The following RBMS3 variants were observed in gnomAD, a reference collection of about 807,000 sequenced individuals.
The protein encoded by RBMS3 is RNA-binding motif, single-stranded-interacting protein 3.
RBMS3 carries 27 observed loss-of-function variants against 66.8 expected under a neutral mutation model. The observed-to-expected ratio is 0.40, with a 90% CI of 0.30 to 0.56. The LOEUF (loss-of-function observed/expected upper bound fraction) is 0.56, where lower values mean the gene tolerates loss of function less well. Among genes scored for constraint, RBMS3 ranks in the 20% least tolerant of loss-of-function variants. RBMS3 has a pLI of 0.40. For synonymous variants in RBMS3, 188 were observed against 183.0 expected, an observed-to-expected ratio of 1.03 and a Z score of -0.22; for missense variants, 513 against 549.5, an observed-to-expected ratio of 0.93 and a Z score of 0.66.
chr3:29,384,608 A>G lies in RBMS3; in HGVS notation c.76-50135A>G, dbSNP rs184551136. Among the ~76,000 whole-genome samples the G allele has an allele frequency of 2.0e-5, 3 of 152,306 alleles. No homozygotes were observed. In the East Asian group the frequency reaches 5.8e-4, roughly 29 times the overall value. The stretch of plus-strand genomic sequence containing the variant: ...ACCTGTGTCGTAAAACAGGGAGAGA[A>G]GTTTTGCTACCGATAATGATAATTT... On this transcript the variant is annotated intron_variant, in intron 1 of 14. Transcript: ENST00000383767.
chr3:29,505,506 G>GTTTTTTTTTTTTTTTTT (rs749285833), intron 3 of RBMS3, among the ~76,000 whole-genome samples: 1 of 107,300 alleles, frequency 9.3e-6, no homozygotes, highest in African/African-American at 3.5e-5. Flanking sequence ...CTTCAATTTT[G>GTTTTTTTTTTTTTTTTT]TTTTTTTTTT....
chr3:29,355,341 G>A (rs1171169392), intron 1 of RBMS3, among the ~76,000 whole-genome samples: 3 of 152,024 alleles, frequency 2.0e-5, no homozygotes, highest in Admixed American at 2.0e-4. Context: ...AAGCTGAAAA[G>A]ATGAGGTTTC....
At position 29,281,145 on chromosome 3, in the gene RBMS3, CTTTTT is replaced by C. The variant is rs10707897; in HGVS notation, c.-530_-526del. The C allele has an allele frequency of 1.0e-5, 1 of 100,460 alleles. No individual in the cohort carries two copies. The highest frequency in any genetic ancestry group is 3.9e-5 in the African/African-American group (1 of 25,696). The allele number at this position is 100,460 out of a possible 1,614,324, so 6.2% of individuals were successfully genotyped here. On this transcript the variant is annotated 5_prime_UTR_variant, in exon 1 of 15. Transcript: ENST00000383767. ...TTTTTTTTTTTTTCTTCCTTTTTTTCTTTTTTTTTTTCTTTTTCCCCTTTCTTTTT... is the reference window on the plus strand; with the variant it reads ...TTTTTTTTTTTTTCTTCCTTTTTTTCTTTTTTCTTTTTCCCCTTTCTTTTT...
At chr3:29,878,295 CT>C (rs2059657787) in intron 7 of RBMS3, among the ~76,000 whole-genome samples, 1 of 152,052 alleles carries the variant, frequency 6.6e-6, no homozygotes, top group South Asian at 2.1e-4. Context: ...TTGGAGACCC[CT>C]GATCTAGTAG....
chr3:29,696,620 A>AT (rs1241239433), intron 4 of RBMS3, among the ~76,000 whole-genome samples: 5 of 152,182 alleles, frequency 3.3e-5, no homozygotes, highest in Admixed American at 3.3e-4. Context: ...AAAGTTAGAT[A>AT]TTTATAAAAT....
chr3:29,820,394 T>C (rs2058047558), intron 6 of RBMS3, among the ~76,000 whole-genome samples: 2 of 151,900 alleles, frequency 1.3e-5, no homozygotes, highest in Non-Finnish European at 2.9e-5. Context: ...ATAGATTTGA[T>C]CTATTAATTA....
chr3:29,720,696 C>CTGTG lies in RBMS3; in HGVS notation c.400-19007_400-19004dup, dbSNP rs201802434. ...GAATTCATGAGTTCCCTGTAAGAAT[C>CTGTG]TGTGTGTGTGTGTGTGTGTGAGTGT... On this transcript the variant is annotated intron_variant, in intron 4 of 14. Transcript: ENST00000383767. Among the ~76,000 whole-genome samples, 637 of 147,596 alleles carry CTGTG rather than the reference C, an allele frequency of 4.3e-3. 7 individuals are homozygous for CTGTG. The highest frequency in any genetic ancestry group is 0.013 in the South Asian group (58 of 4,606).
chr3:29,546,177 C>T (rs549598085), intron 3 of RBMS3, among the ~76,000 whole-genome samples: 1 of 149,634 alleles, frequency 6.7e-6, no homozygotes, highest in African/African-American at 2.5e-5. Context: ...TGCACATACA[C>T]ATTTATTTTT....
chr3:29,447,266 C>T (rs1321829615), intron 2 of RBMS3, among the ~76,000 whole-genome samples: 1 of 152,008 alleles, frequency 6.6e-6, no homozygotes, highest in African/African-American at 2.4e-5. Flanking sequence ...TAAGTAATTA[C>T]AGTAAATTTA....
intron 1 of RBMS3, among the ~76,000 whole-genome samples, chr3:29,322,385 T>C (rs1421776599): frequency 6.6e-6 from 1 of 152,142 alleles, no homozygotes; most frequent in Non-Finnish European, 1.5e-5. Context: ...ATAATCACTT[T>C]GGATGCCTTA....
At position 29,947,135 on chromosome 3, in the gene RBMS3, C is replaced by T. The variant is rs185716999; in HGVS notation, c.1098+2881C>T. Among the ~76,000 whole-genome samples, 3 of 151,548 alleles carry T rather than the reference C, an allele frequency of 2.0e-5. No individual in the cohort carries two copies. The East Asian group carries it at 5.9e-4, about 30-fold the overall frequency. On this transcript the variant is annotated intron_variant, in intron 12 of 14. Coordinates refer to ENST00000383767, the MANE Select transcript of RBMS3 (RefSeq NM_001003793.3). Reference sequence around the variant, plus strand: ...TAACTACAATGTATTTTACTAACTACAATGTAGTTAGCAAAATACTTGGAT... The same window carrying T: ...TAACTACAATGTATTTTACTAACTATAATGTAGTTAGCAAAATACTTGGAT...
intron 6 of RBMS3, among the ~76,000 whole-genome samples, chr3:29,863,804 T>C (rs868001128): frequency 6.6e-6 from 1 of 152,176 alleles, no homozygotes; most frequent in Non-Finnish European, 1.5e-5. Flanking sequence ...TTTATATATT[T>C]GATCCTTGGC....
intron 3 of RBMS3, among the ~76,000 whole-genome samples, chr3:29,518,987 G>A (rs1445863900): frequency 6.6e-6 from 1 of 152,174 alleles, no homozygotes; most frequent in Non-Finnish European, 1.5e-5. Flanking sequence ...ACCATTTGAA[G>A]GAAAGTAGAA....
rs1366700727 is a variant in RBMS3, at chr3:29,439,429, T to C, written c.248+4514T>C. Among the ~76,000 whole-genome samples the C allele has an allele frequency of 2.0e-5, 3 of 152,070 alleles. No individual in the cohort carries two copies. In the East Asian group the frequency reaches 5.8e-4, roughly 29 times the overall value. ...AGAGAAGAGGGTGTGAGAAGTAATA[T>C]TAGTGGTGGTAGAAAAATTATGTGT... On this transcript the variant is annotated intron_variant, in intron 2 of 14. Coordinates refer to ENST00000383767, the MANE Select transcript of RBMS3 (RefSeq NM_001003793.3).
intron 4 of RBMS3, among the ~76,000 whole-genome samples, chr3:29,659,803 G>T (rs2050464603): frequency 6.6e-6 from 1 of 152,070 alleles, no homozygotes; most frequent in Non-Finnish European, 1.5e-5. Flanking sequence ...TTGAGGAACT[G>T]CCATATTGTT....
chr3:29,493,651 G>C (rs2043633417), intron 3 of RBMS3, among the ~76,000 whole-genome samples: 1 of 151,858 alleles, frequency 6.6e-6, no homozygotes, highest in Admixed American at 6.6e-5. Flanking sequence ...AAAAAATACA[G>C]CTCTTGGAAA....
At chr3:29,474,085 A>G (rs2042862274) in intron 2 of RBMS3, among the ~76,000 whole-genome samples, 1 of 152,256 alleles carries the variant, frequency 6.6e-6, no homozygotes, top group Non-Finnish European at 1.5e-5. Flanking sequence ...ACAGGCATGA[A>G]CTACCGCGCC....
chr3:29,620,320 A>G (rs942251700), intron 4 of RBMS3, among the ~76,000 whole-genome samples: 1 of 152,122 alleles, frequency 6.6e-6, no homozygotes, highest in Non-Finnish European at 1.5e-5. Context: ...TCCAGGTTGC[A>G]TATTCTATGT....
intron 2 of RBMS3, among the ~76,000 whole-genome samples, chr3:29,472,747 G>T (rs796602315): frequency 6.6e-6 from 1 of 152,008 alleles, no homozygotes; most frequent in Non-Finnish European, 1.5e-5. Context: ...GCAGACCTTC[G>T]CGGTGAGTGT....
Sources: gnomAD v4.1 joint callset for allele counts (sites outside exome capture counted in the v4.1 genomes callset) on GRCh38, gnomAD v4.1.1 for gene constraint, MANE v1.5 for transcripts, NCBI Gene and HGNC (gene_info 2026-07-23, HGNC 2026-07-21) for gene names.